SLC7A1: variants seen among roughly 807,000 people sequenced by gnomAD.
SLC7A1 encodes the protein solute carrier family 7 member 1.
In SLC7A1, 10 loss-of-function variants were observed where a neutral mutation model predicts 53.9. The observed-to-expected ratio is 0.19, with a 90% CI of 0.11 to 0.31. The LOEUF (loss-of-function observed/expected upper bound fraction) is 0.31, where lower values mean the gene tolerates loss of function less well. SLC7A1 is among the 10% of genes least tolerant of loss of function. The probability of loss-of-function intolerance (pLI) is 1.00; values close to 1 mark genes in which losing one functional copy is unlikely to be tolerated. For missense variants in SLC7A1, 525 were observed against 827.2 expected, an observed-to-expected ratio of 0.63 and a Z score of 4.48; for synonymous variants, 342 against 338.7, an observed-to-expected ratio of 1.01 and a Z score of -0.11.
intron 2 of SLC7A1, among the ~76,000 whole-genome samples, chr13:29,544,701 T>C (rs1189765137): frequency 6.6e-6 from 1 of 152,110 alleles, no homozygotes; most frequent in Admixed American, 6.5e-5. Flanking sequence ...GGGGTTCAAG[T>C]CTCACTGCCT....
chr13:29,572,288 A>T (rs549561656), intron 1 of SLC7A1, among the ~76,000 whole-genome samples: 9 of 152,380 alleles, frequency 5.9e-5, no homozygotes, highest in African/African-American at 1.7e-4. Flanking sequence ...GGGCAGAGCC[A>T]GGACGCTTCA....
rs1868414879 is a variant in SLC7A1 at position 29,517,662 on chromosome 13, A to G, written c.1421T>C (p.Met474Thr). The change falls in exon 10 of 13, where the codon ATG becomes ACG. Residue 474 changes from methionine to threonine, a missense_variant. By Grantham distance (81) the Met-to-Thr change is moderately conservative. Transcript: ENST00000380752. ...SQLGFLPEAE[M>T]FSLKTILSPK... Reference sequence around the variant, plus strand: ...TGAGAGTATGGTTTTCAAAGAGAACATCTCTGCCTCTGGTAAAAAGCCCAG... The same window carrying G: ...TGAGAGTATGGTTTTCAAAGAGAACGTCTCTGCCTCTGGTAAAAAGCCCAG... 6.2e-7 allele frequency: 1 copy of G among 1,614,104 alleles called. No individual in the cohort carries two copies. The highest frequency in any genetic ancestry group is 1.3e-5 in the African/African-American group (1 of 74,938).
chr13:29,566,471 T>C (rs1433639046), intron 1 of SLC7A1, among the ~76,000 whole-genome samples: 1 of 152,200 alleles, frequency 6.6e-6, no homozygotes, highest in African/African-American at 2.4e-5. Context: ...TGACATATGC[T>C]GCAACACGGA....
Position 29,536,209 on chromosome 13 carries a change from A to G in SLC7A1, c.-14-7T>C. The G allele has an allele frequency of 6.3e-7, 1 of 1,596,644 alleles. No individual in the cohort carries two copies. The highest frequency in any genetic ancestry group is 8.6e-7 in the Non-Finnish European group (1 of 1,168,532). ...CCCATGTTGCTGTTCAGAGCTGTTG[A>G]AAAAGAACAAAGATGTTTCCTGATT... On this transcript the variant is annotated splice_region_variant and splice_polypyrimidine_tract_variant and intron_variant, in intron 2 of 12. Transcript: ENST00000380752.
chr13:29,595,309 GC>G (rs1872265609), intron 1 of SLC7A1, 106 bp downstream of exon 1: 1 of 151,806 alleles, frequency 6.6e-6, no homozygotes, highest in African/African-American at 2.4e-5. Flanking sequence ...GGGGGCCCTC[GC>G]CACTCCCGCG....
chr13:29,548,048 T>C (rs1223251800), intron 2 of SLC7A1, among the ~76,000 whole-genome samples: 1 of 152,180 alleles, frequency 6.6e-6, no homozygotes, highest in Non-Finnish European at 1.5e-5. Context: ...TATTTGATAA[T>C]GACATAGAAA....
intron 6 of SLC7A1, among the ~76,000 whole-genome samples, 171 bp downstream of exon 6, chr13:29,523,961 G>A (rs1273502128): frequency 6.6e-6 from 1 of 152,196 alleles, no homozygotes; most frequent in East Asian, 1.9e-4. Flanking sequence ...AGTTGGGGAT[G>A]TGATAATGGT....
intron 2 of SLC7A1, among the ~76,000 whole-genome samples, chr13:29,548,124 GACA>G (rs1243485692): frequency 6.6e-6 from 1 of 152,192 alleles, no homozygotes; most frequent in African/African-American, 2.4e-5. Context: ...GGTGTCCTGA[GACA>G]CTTCTCTGGG....
chr13:29,595,299 G>C (rs911832399), intron 1 of SLC7A1, 117 bp downstream of exon 1: 1 of 151,808 alleles, frequency 6.6e-6, no homozygotes, highest in Admixed American at 6.6e-5. Context: ...TTCCCGGCGC[G>C]GGGGCCCTCG....
chr13:29,552,908 C>T (rs957808822), intron 2 of SLC7A1, among the ~76,000 whole-genome samples: 10 of 151,914 alleles, frequency 6.6e-5, no homozygotes, highest in Non-Finnish European at 1.0e-4. Flanking sequence ...AAGCTGGTCT[C>T]GGCACCCAAA....
chr13:29,574,252 G>A (rs908050212), intron 1 of SLC7A1, among the ~76,000 whole-genome samples: 1 of 152,144 alleles, frequency 6.6e-6, no homozygotes, highest in African/African-American at 2.4e-5. Context: ...TAAAAAACAG[G>A]GTTCTTGACC....
At chr13:29,591,459 G>A (rs1383462094) in intron 1 of SLC7A1, among the ~76,000 whole-genome samples, 2 of 152,148 alleles carry the variant, frequency 1.3e-5, no homozygotes, top group Non-Finnish European at 2.9e-5. Flanking sequence ...TCATGTTGCA[G>A]AGGCCCCATA....
intron 1 of SLC7A1, among the ~76,000 whole-genome samples, chr13:29,578,799 C>CA (rs1331004238): frequency 2.0e-5 from 3 of 152,260 alleles, no homozygotes; most frequent in African/African-American, 7.2e-5. Context: ...CACAGCCTGT[C>CA]AAAAGCCACA....
rs1883418381 is a variant in SLC7A1, at chr13:29,512,349, C to T, written c.*2131G>A. On this transcript the variant is annotated 3_prime_UTR_variant, in exon 13 of 13. Transcript: ENST00000380752. ...TGAGACTTGGAGCAGGGGAGACGCA[C>T]CTTCTCAATCTACAAAATGAGCCAT... 6.6e-6 allele frequency: 1 copy of T among 152,210 alleles called. No homozygotes were observed. The highest frequency in any genetic ancestry group is 1.5e-5 in the Non-Finnish European group (1 of 68,056). 9.4% of individuals were successfully genotyped at this position (152,210 alleles called of 1,614,324 possible). A position where few individuals can be genotyped will look rare whatever the true frequency, so the allele number is the denominator to read the frequency against.
chr13:29,555,538 G>C (rs1488707256), intron 1 of SLC7A1, among the ~76,000 whole-genome samples: 4 of 151,608 alleles, frequency 2.6e-5, no homozygotes, highest in Non-Finnish European at 5.9e-5. Flanking sequence ...AGAGCACCGA[G>C]AACCATGAAG....
chr13:29,569,016 C>T (rs192465269), intron 1 of SLC7A1, among the ~76,000 whole-genome samples: 34 of 152,292 alleles, frequency 2.2e-4, no homozygotes, highest in African/African-American at 7.0e-4. Context: ...ATTTTAAGAA[C>T]GGACTCCTAT....
chr13:29,536,156 C>T lies in SLC7A1; in HGVS notation c.33G>A (p.Gln11=). 1.2e-6 allele frequency: 2 copies of T among 1,613,966 alleles called. No individual in the cohort carries two copies. Among genetic ancestry groups the T allele is most frequent in the Non-Finnish European group, 1.7e-6 (2 of 1,179,994 alleles). Residue 11 remains glutamine, a synonymous_variant, in exon 3 of 13, where the codon CAG becomes CAA. Coordinates refer to ENST00000380752, the MANE Select transcript of SLC7A1 (RefSeq NM_003045.5). Reference sequence around the variant, plus strand: ...CCACCACCTTCCGCCGCAGCATCTGCTGCCCAATGTTGAGCAGGACTTTGC... The same window carrying T: ...CCACCACCTTCCGCCGCAGCATCTGTTGCCCAATGTTGAGCAGGACTTTGC... MGCKVLLNIG[Q]QMLRRKVVDC... is the part of the protein sequence containing the mutation.
chr13:29,514,875 G>A (rs973479703), intron 12 of SLC7A1, among the ~76,000 whole-genome samples: 2 of 152,142 alleles, frequency 1.3e-5, no homozygotes, highest in African/African-American at 4.8e-5. Context: ...AGAGGCCATC[G>A]GGTCCTTCAG....
At chr13:29,527,104 CTAG>C (rs1430175373) in intron 5 of SLC7A1, among the ~76,000 whole-genome samples, 6 of 151,080 alleles carry the variant, frequency 4.0e-5, no homozygotes, top group African/African-American at 1.2e-4. Context: ...GCAGGGCATG[CTAG>C]TAAGCAAGAA....
Sources: allele counts gnomAD v4.1 joint callset (sites outside exome capture counted in the v4.1 genomes callset), GRCh38; gene constraint gnomAD v4.1.1; transcripts MANE v1.5; gene names NCBI Gene and HGNC (gene_info 2026-07-23, HGNC 2026-07-21).